Variants in RNF144B observed in about 807,000 individuals in gnomAD.
RNF144B encodes the protein ring finger protein 144B.
A neutral mutation model predicts 40.2 loss-of-function variants in RNF144B; 25 were observed. That is an observed-to-expected ratio of 0.62 (90% CI 0.45 to 0.87). The LOEUF is 0.87. Among genes scored for constraint, RNF144B ranks in the 40% least tolerant of loss-of-function variants. The pLI, the probability that RNF144B is intolerant of heterozygous loss-of-function variation, is 0.00. For synonymous variants in RNF144B, 145 were observed against 136.3 expected (o/e 1.06, Z -0.44); for missense variants, 365 against 373.7 (o/e 0.98, Z 0.19).
chr6:18,453,347 C>A (rs1057252454), intron 4 of RNF144B, among the ~76,000 whole-genome samples: 2 of 151,760 alleles, frequency 1.3e-5, no homozygotes, highest in Non-Finnish European at 1.5e-5. Flanking sequence ...CCATGTTGGC[C>A]AGGCTGATCT....
At chr6:18,393,635 G>C (rs1582395758) in intron 1 of RNF144B, among the ~76,000 whole-genome samples, 1 of 152,326 alleles carries the variant, frequency 6.6e-6, no homozygotes, top group East Asian at 1.9e-4. Flanking sequence ...CTGGTTGCCT[G>C]GTGTGTTCTT....
intron 3 of RNF144B, among the ~76,000 whole-genome samples, chr6:18,437,915 G>C (rs971385605): frequency 2.0e-5 from 3 of 152,072 alleles, no homozygotes; most frequent in Non-Finnish European, 4.4e-5. Flanking sequence ...ATTTTTAGGG[G>C]TTGACTTTGA....
At position 18,446,591 on chromosome 6, in the gene RNF144B, T is replaced by C. The variant is rs1351280530; in HGVS notation, c.331+6847T>C. Among the ~76,000 whole-genome samples, 1 of 152,230 alleles carries C rather than the reference T, an allele frequency of 6.6e-6. No individual in the cohort carries two copies. The highest frequency in any genetic ancestry group is 1.5e-5 in the Non-Finnish European group (1 of 68,036). The stretch of plus-strand genomic sequence containing the variant: ...TTACTATGGGAAATTGATGTACTGA[T>C]GCTATGTCTTATATTTCTGTTATGT... On this transcript the variant is annotated intron_variant, in intron 4 of 7. Transcript: ENST00000259939. The surrounding 1 kb of genome is among the most constrained non-coding windows in gnomAD (Gnocchi z 4.7).
rs943022400 is a variant in RNF144B, at chr6:18,405,948, A to G, written c.165+6249A>G. 2 of 481,594 alleles carry G rather than the reference A, an allele frequency of 4.2e-6. No individual in the cohort carries two copies. Among genetic ancestry groups the G allele is most frequent in the Non-Finnish European group, 8.3e-6 (2 of 241,634 alleles). 29.8% of individuals were successfully genotyped at this position (481,594 alleles called of 1,614,324 possible). On this transcript the variant is annotated intron_variant, in intron 2 of 7. Coordinates refer to ENST00000259939, the MANE Select transcript of RNF144B (RefSeq NM_182757.4). This position sits in a 1 kb window ranked among gnomAD's most constrained non-coding sequence, Gnocchi z 4.5. ...GTCCTAGAATTGTAAGTGACCTTAGATCTTCTAGTTCCCCCACCCTCCTAA... is the reference window on the plus strand; with the variant it reads ...GTCCTAGAATTGTAAGTGACCTTAGGTCTTCTAGTTCCCCCACCCTCCTAA...
At chr6:18,463,172 G>A (rs1759505090) in intron 6 of RNF144B, 119 bp from the exon 7 acceptor site, 2 of 647,498 alleles carry the variant, frequency 3.1e-6, no homozygotes, top group South Asian at 1.8e-5. Flanking sequence ...ATTCCTAGAG[G>A]GGGTCACTGA....
At chr6:18,431,628 TA>T (rs1758698347) in intron 3 of RNF144B, among the ~76,000 whole-genome samples, 1 of 152,214 alleles carries the variant, frequency 6.6e-6, no homozygotes, top group Non-Finnish European at 1.5e-5. Context: ...AGGTAACACA[TA>T]AATATACTTT....
intron 4 of RNF144B, among the ~76,000 whole-genome samples, chr6:18,449,681 TACA>T (rs1198291155): frequency 6.9e-6 from 1 of 144,988 alleles, no homozygotes; most frequent in South Asian, 2.1e-4. Flanking sequence ...ATTTACTGTC[TACA>T]ACGTGTTTTG....
At chr6:18,404,390 CT>C (rs1304728005) in intron 2 of RNF144B, among the ~76,000 whole-genome samples, 1 of 152,168 alleles carries the variant, frequency 6.6e-6, no homozygotes, top group Non-Finnish European at 1.5e-5. Flanking sequence ...CTTCTCTAGA[CT>C]TTAGTTTCTT....
Position 18,439,671 on chromosome 6 carries a change from T to A in RNF144B, c.271-13T>A, listed in dbSNP as rs780539007. ...ATGACTGAAGTCTCAACCTTTTATG[T>A]CTCTGGTTTCAGATTGCCTGTTTGG... is the stretch of plus-strand genomic sequence containing the variant. On this transcript the variant is annotated splice_polypyrimidine_tract_variant and intron_variant, in intron 3 of 7. Coordinates refer to ENST00000259939, the MANE Select transcript of RNF144B (RefSeq NM_182757.4). 6.2e-7 allele frequency: 1 copy of A among 1,605,864 alleles called. No homozygotes were observed. Among genetic ancestry groups the A allele is most frequent in the East Asian group, 2.2e-5 (1 of 44,826 alleles).
At chr6:18,437,270 C>A (rs139088062) in intron 3 of RNF144B, among the ~76,000 whole-genome samples, 2 of 152,218 alleles carry the variant, frequency 1.3e-5, no homozygotes, top group African/African-American at 4.8e-5. Flanking sequence ...GAGACCCCAT[C>A]TTTACAGAAA....
chr6:18,387,720 T>G, intron 1 of RNF144B, 90 bp downstream of exon 1: 1 of 1,120,078 alleles, frequency 8.9e-7, no homozygotes, highest in African/African-American at 1.6e-5. Context: ...AAACTCACTG[T>G]GACACCACAA....
intron 4 of RNF144B, among the ~76,000 whole-genome samples, chr6:18,451,324 T>A (rs1759205163): frequency 6.6e-6 from 1 of 152,190 alleles, no homozygotes; most frequent in African/African-American, 2.4e-5. Context: ...ATAATAGACA[T>A]GTGTCTAATT....
At position 18,399,559 on chromosome 6, in the gene RNF144B, T is replaced by C. The variant is rs1794758782; in HGVS notation, c.25T>C (p.Tyr9His). The stretch of plus-strand genomic sequence containing the variant: ...GATGGGCTCAGCTGGTAGGCTCCAC[T>C]ATCTCGCCATGACTGCTGAAAATCC... Reference protein sequence around the residue: MGSAGRLHYLAMTAENPTP... With the variant: MGSAGRLHHLAMTAENPTP... The change falls in exon 2 of 8, where the codon TAT (tyrosine) becomes CAT (histidine). Residue 9 changes from tyrosine to histidine, a missense_variant. By Grantham distance (83) the Tyr-to-His change is moderately conservative. Transcript: ENST00000259939. 6.2e-7 allele frequency: 1 copy of C among 1,614,052 alleles called. No individual in the cohort carries two copies. The highest frequency in any genetic ancestry group is 1.7e-5 in the Admixed American group (1 of 59,990).
rs1452188043 is a variant in RNF144B at position 18,416,833 on chromosome 6, G to C, written c.166-10748G>C. Among the ~76,000 whole-genome samples the C allele has an allele frequency of 6.6e-6, 1 of 152,112 alleles. No homozygotes were observed. Among genetic ancestry groups the C allele is most frequent in the Non-Finnish European group, 1.5e-5 (1 of 68,018 alleles). On this transcript the variant is annotated intron_variant, in intron 2 of 7. Transcript: ENST00000259939. The surrounding 1 kb of genome is among the most constrained non-coding windows in gnomAD (Gnocchi z 5.5). ...CTGATTAGAATGGAGGGCATGGGTG[G>C]TACTGAACTAGTGGTGCTTAGACTT...
At chr6:18,399,732 A>T in intron 2 of RNF144B, 33 bp downstream of exon 2, 1 of 1,540,570 alleles carries the variant, frequency 6.5e-7, no homozygotes, top group Non-Finnish European at 9.0e-7. Flanking sequence ...ACTATGAGAA[A>T]ATACAAAGGG....
At position 18,427,591 on chromosome 6, in the gene RNF144B, A is replaced by T. The variant is rs1378976860; in HGVS notation, c.176A>T (p.Gln59Leu). 2 of 1,612,930 alleles carry T rather than the reference A, an allele frequency of 1.2e-6. No individual in the cohort carries two copies. The highest frequency in any genetic ancestry group is 2.7e-5 in the African/African-American group (2 of 74,898). Residue 59 changes from glutamine (Q) to leucine (L), a missense_variant, in exon 3 of 8, where the codon CAG becomes CTG. Physicochemically the swap from Gln to Leu is moderately radical, Grantham distance 113. Transcript: ENST00000259939. ...QCIFCTACLK[Q>L]YMQLAIREGC... ...TTTCTTAACTTCCAGTGCCTGAAAC[A>T]GTACATGCAGCTGGCAATCCGAGAA...
Position 18,457,215 on chromosome 6 carries a change from C to G in RNF144B, c.392C>G (p.Pro131Arg), listed in dbSNP as rs746935938. The G allele has an allele frequency of 6.2e-7, 1 of 1,614,104 alleles. No homozygotes were observed. The highest frequency in any genetic ancestry group is 2.2e-5 in the East Asian group (1 of 44,876). ...GTTGCAGACTGTCAGACAGTGTGCC[C>G]TGTTGCCTCGAGTGACCCAGGACAG... ...CPVADCQTVCPVASSDPGQPV... is the reference protein window; with the variant it reads ...CPVADCQTVCRVASSDPGQPV... Residue 131 changes from proline (P) to arginine (R), a missense_variant, in exon 5 of 8, where the codon CCT (proline) becomes CGT (arginine). Coordinates refer to ENST00000259939, the MANE Select transcript of RNF144B (RefSeq NM_182757.4). The surrounding 1 kb of genome is among the most constrained non-coding windows in gnomAD (Gnocchi z 5.1).
At chr6:18,391,153 A>G (rs946094618) in intron 1 of RNF144B, among the ~76,000 whole-genome samples, 19 of 152,216 alleles carry the variant, frequency 1.2e-4, no homozygotes, top group Non-Finnish European at 2.8e-4. Context: ...GTCCTGACCC[A>G]AGAAATCAGC....
rs76632319 is a variant in RNF144B, at chr6:18,403,479, T to G, written c.165+3780T>G. ...AAGAAAATAAAGTCCAGCCATATTC[T>G]TGCCTTTTTTCCATTACGTTCTATT... On this transcript the variant is annotated intron_variant, in intron 2 of 7. Coordinates refer to ENST00000259939, the MANE Select transcript of RNF144B (RefSeq NM_182757.4). Among the ~76,000 whole-genome samples the G allele has an allele frequency of 4.1e-3, 627 of 152,368 alleles. 8 individuals are homozygous for G. Among genetic ancestry groups the G allele is most frequent in the African/African-American group, 0.014 (592 of 41,582 alleles).
Sources: gnomAD v4.1 joint callset for allele counts (sites outside exome capture counted in the v4.1 genomes callset) on GRCh38, gnomAD v4.1.1 for gene constraint, Gnocchi (gnomAD v3.1) non-coding constraint, MANE v1.5 for transcripts, NCBI Gene and HGNC (gene_info 2026-07-23, HGNC 2026-07-21) for gene names.